The following TES variants were observed in gnomAD, a reference collection of about 807,000 sequenced individuals.
TES encodes testin LIM domain protein.
Under a neutral mutation model 48.2 loss-of-function variants are expected in TES, and 41 were observed. That is an observed-to-expected ratio of 0.85 (90% CI 0.66 to 1.10). TES has a LOEUF of 1.10. Among genes scored for constraint, TES ranks in the 50% least tolerant of loss-of-function variants. The probability of loss-of-function intolerance (pLI) is 0.00; values close to 1 mark genes in which losing one functional copy is unlikely to be tolerated. For missense variants in TES, 463 were observed against 515.1 expected (o/e 0.90, Z 0.98); for synonymous variants, 162 against 174.9 (o/e 0.93, Z 0.58).
intron 1 of TES, among the ~76,000 whole-genome samples, chr7:116,215,316 C>A (rs1045573906): frequency 9.2e-5 from 14 of 152,086 alleles, no homozygotes; most frequent in African/African-American, 3.4e-4. Context: ...AAATAAGGTA[C>A]ATTTCAACAC....
rs149060618 is a variant in TES at position 116,246,497 on chromosome 7, C to G, written c.114-2523C>G. 1.3e-3 allele frequency among the ~76,000 whole-genome samples: 193 copies of G among 152,320 alleles called. 2 individuals are homozygous for G. Among genetic ancestry groups the G allele is most frequent in the African/African-American group, 4.4e-3 (184 of 41,570 alleles). On this transcript the variant is annotated intron_variant, in intron 2 of 6. Coordinates refer to ENST00000358204, the MANE Select transcript of TES (RefSeq NM_015641.4). ...TTGCTCTTATGATGAAGCCCAAATT[C>G]CTTAATGTGTTCTATGAGCCCCTGC... is the stretch of plus-strand genomic sequence containing the variant.
At chr7:116,250,926 G>T (rs1799997696) in intron 4 of TES, among the ~76,000 whole-genome samples, 1 of 152,104 alleles carries the variant, frequency 6.6e-6, no homozygotes, top group Non-Finnish European at 1.5e-5. Context: ...AATTTTTGTG[G>T]ATATATAGTG....
chr7:116,224,739 A>G (rs985651155), intron 1 of TES, among the ~76,000 whole-genome samples: 2 of 152,206 alleles, frequency 1.3e-5, no homozygotes, highest in African/African-American at 4.8e-5. Flanking sequence ...GGTTTTGCCT[A>G]GGATGGAGGA....
rs186686948 is a variant in TES, at chr7:116,245,251, T to C, written c.114-3769T>C. Among the ~76,000 whole-genome samples, 20 of 152,286 alleles carry C rather than the reference T, an allele frequency of 1.3e-4. No homozygotes were observed. The East Asian group carries it at 3.7e-3, about 28-fold the overall frequency. On this transcript the variant is annotated intron_variant, in intron 2 of 6. Transcript: ENST00000358204. The stretch of plus-strand genomic sequence containing the variant: ...AGGCTGCAAATTTTTCAAACTTTTA[T>C]CCTCCGTCACCTCTTGAATGCTTTG...
intron 1 of TES, among the ~76,000 whole-genome samples, chr7:116,215,788 AGCATGAGTAG>A (rs1162178247): frequency 6.6e-6 from 1 of 152,202 alleles, no homozygotes; most frequent in Non-Finnish European, 1.5e-5. Flanking sequence ...CCTTACACAT[AGCATGAGTAG>A]GCTAAACCTC....
At chr7:116,245,379 T>A (rs1341074264) in intron 2 of TES, among the ~76,000 whole-genome samples, 1 of 152,076 alleles carries the variant, frequency 6.6e-6, no homozygotes, top group Non-Finnish European at 1.5e-5. Flanking sequence ...ATGCCACCAG[T>A]CTCTTTGAAT....
At chr7:116,250,847 A>G (rs915879407) in intron 4 of TES, among the ~76,000 whole-genome samples, 1 of 152,226 alleles carries the variant, frequency 6.6e-6, no homozygotes, top group African/African-American at 2.4e-5. Context: ...CTGCCCATAA[A>G]TAGGAATATA....
At chr7:116,255,514 A>C (rs999627021) in intron 6 of TES, among the ~76,000 whole-genome samples, 4 of 152,192 alleles carry the variant, frequency 2.6e-5, no homozygotes, top group Non-Finnish European at 5.9e-5. Context: ...CCCAGACTTT[A>C]ATTCTCTATA....
At position 116,212,540 on chromosome 7, in the gene TES, A is replaced by G. The variant is rs779493331; in HGVS notation, c.27+1806A>G. 3.9e-5 allele frequency among the ~76,000 whole-genome samples: 6 copies of G among 152,150 alleles called. No individual in the cohort carries two copies. In the East Asian group the frequency reaches 7.7e-4, roughly 20 times the overall value. ...ATGGGAACTTCGAATTTTCTGCTCA[A>G]TTTTGCTGTGAAGCTAAAAAATGCT... On this transcript the variant is annotated intron_variant, in intron 1 of 6. Coordinates refer to ENST00000358204, the MANE Select transcript of TES (RefSeq NM_015641.4).
At chr7:116,253,867 T>G (rs1032919575) in intron 6 of TES, among the ~76,000 whole-genome samples, 1 of 150,978 alleles carries the variant, frequency 6.6e-6, no homozygotes, top group South Asian at 2.1e-4. Context: ...TGTGTGGGGG[T>G]GTGTGTGTGT....
chr7:116,213,492 G>A (rs1200639433), intron 1 of TES, among the ~76,000 whole-genome samples: 1 of 152,170 alleles, frequency 6.6e-6, no homozygotes, highest in African/African-American at 2.4e-5. Flanking sequence ...GAATTAAGGA[G>A]GACTGTCTTT....
intron 1 of TES, among the ~76,000 whole-genome samples, chr7:116,222,335 T>G (rs1584611386): frequency 6.6e-6 from 1 of 152,174 alleles, no homozygotes; most frequent in East Asian, 1.9e-4. Context: ...CATTACTCTC[T>G]AGGTTTCCTT....
chr7:116,250,171 A>T lies in TES; in HGVS notation c.377A>T (p.Tyr126Phe), dbSNP rs1255473807. The T allele has an allele frequency of 1.3e-6, 2 of 1,541,784 alleles. No individual in the cohort carries two copies. Among genetic ancestry groups the T allele is most frequent in the African/African-American group, 2.8e-5 (2 of 72,420 alleles). Residue 126 changes from tyrosine to phenylalanine, a missense_variant, in exon 4 of 7, where the codon TAC becomes TTC. Tyr to Phe is a conservative substitution (Grantham distance 22, BLOSUM62 3). Coordinates refer to ENST00000358204, the MANE Select transcript of TES (RefSeq NM_015641.4). ...PVQNQALARQ[Y>F]MQMLPKEKQP... The stretch of plus-strand genomic sequence containing the variant: ...CTCCTTGTGGTTCAGGCCAGGCAGT[A>T]CATGCAGATGCTACCCAAGGAAAAG...
At chr7:116,218,439 A>G (rs1025841058) in intron 1 of TES, among the ~76,000 whole-genome samples, 2 of 152,158 alleles carry the variant, frequency 1.3e-5, no homozygotes, top group Non-Finnish European at 2.9e-5. Context: ...GACCATGTAG[A>G]TGTTAGGTGG....
rs193256958 is a variant in TES, at chr7:116,248,665, A to T, written c.114-355A>T. Among the ~76,000 whole-genome samples the T allele has an allele frequency of 1.1e-3, 169 of 152,122 alleles. 1 individual carries two copies. The highest frequency in any genetic ancestry group is 3.9e-3 in the African/African-American group (160 of 41,498). The stretch of plus-strand genomic sequence containing the variant: ...TTGCTTGTTGAATTGTTCCTTATAG[A>T]TTCTGAATATTAGACCTTTGTCAGT... On this transcript the variant is annotated intron_variant, in intron 2 of 6. Transcript: ENST00000358204.
chr7:116,252,780 A>G (rs375703566), intron 6 of TES: 11 of 390,472 alleles, frequency 2.8e-5, no homozygotes, highest in African/African-American at 2.1e-4. Context: ...ATGGTTAGCA[A>G]TCAGATTCCA....
intron 1 of TES, among the ~76,000 whole-genome samples, chr7:116,222,048 A>G (rs1015168267): frequency 6.6e-6 from 1 of 152,194 alleles, no homozygotes; most frequent in Non-Finnish European, 1.5e-5. Context: ...TCTTTGATTT[A>G]TGCAGCACAA....
Position 116,210,673 on chromosome 7 carries a change from A to T in TES, c.-35A>T. 7.7e-7 allele frequency: 1 copy of T among 1,305,994 alleles called. No individual in the cohort carries two copies. The highest frequency in any genetic ancestry group is 9.8e-7 in the Non-Finnish European group (1 of 1,015,638). The allele number at this position is 1,305,994 out of a possible 1,614,324, so 80.9% of individuals were successfully genotyped here. On this transcript the variant is annotated 5_prime_UTR_variant, in exon 1 of 7. Transcript: ENST00000358204. ...GCTGAACCCGGCCGTGGGATCCCGG[A>T]TAGGAGGAGGAGGGGACCCATAGGA...
At chr7:116,251,624 A>G in intron 4 of TES, 136 bp from the exon 5 acceptor site, 11 of 792,400 alleles carry the variant, frequency 1.4e-5, no homozygotes, top group Non-Finnish European at 2.3e-5. Flanking sequence ...CGGAGCTTGC[A>G]ATGAGCCGAG....
Sources: gnomAD v4.1 joint callset for allele counts (sites outside exome capture counted in the v4.1 genomes callset) on GRCh38, gnomAD v4.1.1 for gene constraint, MANE v1.5 for transcripts, NCBI Gene and HGNC (gene_info 2026-07-23, HGNC 2026-07-21) for gene names.